Variants in PDGFA observed in about 807,000 individuals in gnomAD.
The protein encoded by PDGFA is platelet derived growth factor subunit A.
In PDGFA, 9 loss-of-function variants were observed where a neutral mutation model predicts 25.6. The observed-to-expected ratio is 0.35, with a 90% CI of 0.21 to 0.61. The LOEUF (loss-of-function observed/expected upper bound fraction) is 0.61. PDGFA is among the 20% of genes least tolerant of loss of function. The pLI is 0.75. For missense variants in PDGFA, 242 were observed against 272.8 expected (o/e 0.89, Z 0.79); for synonymous variants, 133 against 111.8 (o/e 1.19, Z -1.20).
At chr7:505,546 C>T (rs999922509) in intron 4 of PDGFA, among the ~76,000 whole-genome samples, 5 of 152,178 alleles carry the variant, frequency 3.3e-5, no homozygotes, top group African/African-American at 7.2e-5. Context: ...CTCCAGGTTA[C>T]GGCCTGACCC....
Position 518,924 on chromosome 7 carries a change from G to T in PDGFA, c.63+15C>A. 1 of 1,505,568 alleles carries T rather than the reference G, an allele frequency of 6.6e-7. No homozygotes were observed. 93.3% of individuals were successfully genotyped at this position (1,505,568 alleles called of 1,614,324 possible). A position where few individuals can be genotyped will look rare whatever the true frequency, so the allele number is the denominator to read the frequency against. ...AGGAGCCGGCGCAGGGACGGGGCGC[G>T]GGGGCGGCACCAACCTCGGCCAGAA... On this transcript the variant is annotated intron_variant, in intron 1 of 5. Coordinates refer to ENST00000402802, the Ensembl canonical transcript of PDGFA.
At chr7:497,897 G>T (rs1583132860) in exon 6 of PDGFA, 1 of 23,204 alleles carries the variant, frequency 4.3e-5, no homozygotes, top group East Asian at 9.8e-4. Context: ...AAAAAAGCTA[G>T]CCAAAGAGTA....
In PDGFA at chr7:500,201, A is replaced by T. The variant is rs955922053; in HGVS notation, c.580+915T>A. On this transcript the variant is annotated intron_variant, in intron 5 of 5. Coordinates refer to ENST00000402802, the Ensembl canonical transcript of PDGFA. The surrounding 1 kb of genome is among the most constrained non-coding windows in gnomAD (Gnocchi z 5.0). ...TCCCCAATCAACGACAAAGAGAAGG[A>T]CAAAGCTGGAGGCAGGCTCCCAAGC... 6.6e-6 allele frequency among the ~76,000 whole-genome samples: 1 copy of T among 152,240 alleles called. No homozygotes were observed. Among genetic ancestry groups the T allele is most frequent in the Non-Finnish European group, 1.5e-5 (1 of 68,050 alleles).
At chr7:508,939 C>T (rs1782684781) in intron 4 of PDGFA, among the ~76,000 whole-genome samples, 1 of 152,270 alleles carries the variant, frequency 6.6e-6, no homozygotes, top group African/African-American at 2.4e-5. Flanking sequence ...TCGGCTCTCC[C>T]AGAAGGGCCA....
At chr7:508,404 A>C (rs1349623291) in intron 4 of PDGFA, among the ~76,000 whole-genome samples, 2 of 151,744 alleles carry the variant, frequency 1.3e-5, no homozygotes, top group Non-Finnish European at 2.9e-5. Context: ...CCGACTCTGC[A>C]AAGAATTTAA....
intron 4 of PDGFA, among the ~76,000 whole-genome samples, chr7:507,341 G>A (rs149816420): frequency 2.0e-5 from 3 of 152,322 alleles, no homozygotes; most frequent in Middle Eastern, 6.8e-3. Context: ...CCCGGCAGAT[G>A]AGACCCAGAG....
rs566107107 is a variant in PDGFA at position 500,564 on chromosome 7, C to T, written c.580+552G>A. On this transcript the variant is annotated intron_variant, in intron 5 of 5. Transcript: ENST00000402802. This position sits in a 1 kb window ranked among gnomAD's most constrained non-coding sequence, Gnocchi z 5.0. Reference sequence around the variant, plus strand: ...CGGCCGTCGGGGTGAAGAACTGAAGCAACAAATACCTACGGCATTTGTTTA... The same window carrying T: ...CGGCCGTCGGGGTGAAGAACTGAAGTAACAAATACCTACGGCATTTGTTTA... 1.2e-6 allele frequency: 2 copies of T among 1,611,574 alleles called. No homozygotes were observed. The highest frequency in any genetic ancestry group is 1.1e-5 in the South Asian group (1 of 90,936).
At chr7:519,066 C>T in exon 1 of PDGFA, 1 of 1,317,136 alleles carries the variant, frequency 7.6e-7, no homozygotes, top group Non-Finnish European at 1.0e-6. Flanking sequence ...TCCAGCCGGT[C>T]TCCTGTGGCG....
chr7:501,053 C>T (rs541513032), intron 5 of PDGFA, 63 bp downstream of exon 5: 6 of 1,613,616 alleles, frequency 3.7e-6, no homozygotes, highest in Non-Finnish European at 1.7e-6. Context: ...CACCTAACAC[C>T]CCAAAAGCAA....
intron 4 of PDGFA, among the ~76,000 whole-genome samples, chr7:507,097 G>A (rs576189108): frequency 5.9e-5 from 9 of 152,310 alleles, no homozygotes; most frequent in Non-Finnish European, 8.8e-5. Flanking sequence ...CGGCAGGACC[G>A]GTCTCTTGGC....
chr7:508,798 G>A (rs1782678887), intron 4 of PDGFA, among the ~76,000 whole-genome samples: 3 of 151,590 alleles, frequency 2.0e-5, no homozygotes, highest in Admixed American at 2.0e-4. Context: ...CCAGGGAGGT[G>A]CCAGCCCCAG....
At chr7:515,212 G>A (rs529017989) in intron 2 of PDGFA, among the ~76,000 whole-genome samples, 1 of 152,298 alleles carries the variant, frequency 6.6e-6, no homozygotes, top group South Asian at 2.1e-4. Context: ...GGGAAAGTTC[G>A]TTGCGTTGGG....
At chr7:510,754 G>T in intron 4 of PDGFA, 55 bp downstream of exon 4, 1 of 507,512 alleles carries the variant, frequency 2.0e-6, no homozygotes, top group Non-Finnish European at 3.3e-6. Flanking sequence ...GAGAGGAGGG[G>T]AGGGGAGAGG....
upstream of PDGFA, chr7:519,428 G>C: frequency 6.2e-6 from 1 of 161,738 alleles, no homozygotes; most frequent in South Asian, 1.7e-4. Flanking sequence ...GAGGGAGTCT[G>C]GGGCCGCCGC....
At chr7:497,378 CA>C (rs1782088503) in exon 6 of PDGFA, 1 of 151,700 alleles carries the variant, frequency 6.6e-6, no homozygotes, top group African/African-American at 2.4e-5. Flanking sequence ...TACAAAAAAA[CA>C]AACCACACAC....
At position 517,358 on chromosome 7, in the gene PDGFA, C is replaced by T; in HGVS notation, c.160+36G>A. ...GGGGCGCACAGGCCGCCCGCCCGCG[C>T]CCTCCCCGCGCGCGGAGGGAAGGGG... is the stretch of plus-strand genomic sequence containing the variant. On this transcript the variant is annotated intron_variant, in intron 2 of 5. Transcript: ENST00000402802. This position sits in a 1 kb window ranked among gnomAD's most constrained non-coding sequence, Gnocchi z 7.4. 9.0e-7 allele frequency: 1 copy of T among 1,114,364 alleles called. No individual in the cohort carries two copies. The highest frequency in any genetic ancestry group is 1.7e-5 in the African/African-American group (1 of 60,312). The allele number at this position is 1,114,364 out of a possible 1,614,324, so 69.0% of individuals were successfully genotyped here. A position where few individuals can be genotyped will look rare whatever the true frequency, so the allele number is the denominator to read the frequency against.
chr7:500,424 G>T lies in PDGFA; in HGVS notation c.580+692C>A, dbSNP rs769924702. The T allele has an allele frequency of 1.9e-6, 3 of 1,614,002 alleles. No homozygotes were observed. Among genetic ancestry groups the T allele is most frequent in the Non-Finnish European group, 1.7e-6 (2 of 1,179,868 alleles). ...CAGGACTCAGTGTGTCCGGCAGACA[G>T]TCCTACCTGGTTGGCTGCTTTAGGT... On this transcript the variant is annotated intron_variant, in intron 5 of 5. Transcript: ENST00000402802. This position sits in a 1 kb window ranked among gnomAD's most constrained non-coding sequence, Gnocchi z 5.0.
chr7:506,379 C>T (rs1421341270), intron 4 of PDGFA, among the ~76,000 whole-genome samples: 6 of 152,028 alleles, frequency 3.9e-5, no homozygotes, highest in Non-Finnish European at 7.4e-5. Context: ...TGTAAGAGGC[C>T]CCTGCCCAGC....
intron 4 of PDGFA, among the ~76,000 whole-genome samples, chr7:506,036 C>G (rs1782548611): frequency 6.6e-6 from 1 of 151,940 alleles, no homozygotes; most frequent in African/African-American, 2.4e-5. Flanking sequence ...AATAGCCAGG[C>G]GTGGTGGTGA....
Sources: gnomAD v4.1 joint callset for allele counts (sites outside exome capture counted in the v4.1 genomes callset) on GRCh38, gnomAD v4.1.1 for gene constraint, Gnocchi (gnomAD v3.1) non-coding constraint, MANE v1.5 for transcripts, NCBI Gene and HGNC (gene_info 2026-07-23, HGNC 2026-07-21) for gene names.